ADAM22: variants seen among roughly 807,000 people sequenced by gnomAD.
The protein encoded by ADAM22 is ADAM metallopeptidase domain 22.
In ADAM22, 65 loss-of-function variants were observed where a neutral mutation model predicts 144.6. The observed-to-expected ratio is 0.45, with a 90% CI of 0.37 to 0.55. The LOEUF (loss-of-function observed/expected upper bound fraction) is 0.55. Among genes scored for constraint, ADAM22 ranks in the 20% least tolerant of loss-of-function variants. ADAM22 has a pLI of 0.00. For synonymous variants in ADAM22, 391 were observed against 412.6 expected (o/e 0.95, Z 0.63); for missense variants, 974 against 1,184.9 (o/e 0.82, Z 2.61).
chr7:88,023,443 G>A (rs1327115951), intron 3 of ADAM22, among the ~76,000 whole-genome samples: 1 of 152,090 alleles, frequency 6.6e-6, no homozygotes, highest in Non-Finnish European at 1.5e-5. Context: ...ATTTAGAGAT[G>A]GAGTCTTGCT....
intron 2 of ADAM22, among the ~76,000 whole-genome samples, chr7:87,975,065 A>G (rs1048210144): frequency 2.0e-5 from 3 of 152,286 alleles, no homozygotes; most frequent in East Asian, 1.9e-4. Context: ...GTGAGGTAAC[A>G]TGTTCGTAGG....
intron 26 of ADAM22, among the ~76,000 whole-genome samples, chr7:88,177,123 A>G (rs985297548): frequency 6.6e-6 from 1 of 152,254 alleles, no homozygotes; most frequent in Non-Finnish European, 1.5e-5. Context: ...AAAGATTATC[A>G]GTAAAGATAG....
intron 2 of ADAM22, among the ~76,000 whole-genome samples, chr7:87,950,268 C>T (rs1844710721): frequency 6.8e-6 from 1 of 146,664 alleles, no homozygotes; most frequent in Admixed American, 6.8e-5. Context: ...AGGTATATCT[C>T]CTAATGCTAT....
At chr7:88,063,002 C>T (rs1437655302) in intron 3 of ADAM22, among the ~76,000 whole-genome samples, 1 of 152,012 alleles carries the variant, frequency 6.6e-6, no homozygotes, top group African/African-American at 2.4e-5. Context: ...TTACAGATCA[C>T]CATAACAGGT....
intron 3 of ADAM22, among the ~76,000 whole-genome samples, chr7:88,062,450 G>A (rs1346077355): frequency 3.9e-5 from 6 of 152,182 alleles, no homozygotes; most frequent in Non-Finnish European, 5.9e-5. Context: ...CCTTCATATA[G>A]TTAAAGAGAG....
chr7:88,060,766 C>CA (rs72497035), intron 3 of ADAM22, among the ~76,000 whole-genome samples: 3,546 of 76,078 alleles, frequency 0.047, 130 homozygotes, highest in African/African-American at 0.12. Context: ...GACTCCATCT[C>CA]AAAAAAAAAA....
At chr7:87,952,193 TGA>T (rs1255741311) in intron 2 of ADAM22, among the ~76,000 whole-genome samples, 1 of 151,952 alleles carries the variant, frequency 6.6e-6, no homozygotes, top group Non-Finnish European at 1.5e-5. Flanking sequence ...ATAGGAGTGG[TGA>T]GAGAGGGCAT....
intron 2 of ADAM22, among the ~76,000 whole-genome samples, chr7:87,967,050 C>T (rs887975189): frequency 6.6e-6 from 1 of 151,846 alleles, no homozygotes; most frequent in Non-Finnish European, 1.5e-5. Context: ...GGGGCTTTTC[C>T]CTCACTTCAC....
chr7:88,123,853 C>T (rs887763734), intron 7 of ADAM22, among the ~76,000 whole-genome samples: 1 of 151,724 alleles, frequency 6.6e-6, no homozygotes, highest in Non-Finnish European at 1.5e-5. Flanking sequence ...CATGTGATTT[C>T]TTCTTTGTCC....
chr7:87,941,304 A>T (rs1053508566), intron 2 of ADAM22, among the ~76,000 whole-genome samples: 1 of 152,204 alleles, frequency 6.6e-6, no homozygotes, highest in Non-Finnish European at 1.5e-5. Flanking sequence ...CAAGATGGCA[A>T]GCAGTAGGTG....
intron 29 of ADAM22, chr7:88,184,526 G>A: frequency 4.9e-6 from 1 of 205,584 alleles, no homozygotes; most frequent in East Asian, 1.7e-4. Context: ...AGGTGCTCCT[G>A]GTCCAGCCAG....
chr7:88,185,232 A>G (rs1290838535), intron 29 of ADAM22, among the ~76,000 whole-genome samples: 2 of 152,212 alleles, frequency 1.3e-5, no homozygotes, highest in Non-Finnish European at 2.9e-5. Flanking sequence ...AGGAGATACT[A>G]TCTTACCAAA....
At chr7:88,017,137 ATAAAAAT>A (rs1169716733) in intron 3 of ADAM22, among the ~76,000 whole-genome samples, 1 of 152,180 alleles carries the variant, frequency 6.6e-6, no homozygotes, top group Non-Finnish European at 1.5e-5. Context: ...GTCTCTAAAA[ATAAAAAT>A]TAAAAATAAA....
intron 26 of ADAM22, among the ~76,000 whole-genome samples, chr7:88,176,118 G>GC (rs1845598358): frequency 6.6e-6 from 1 of 152,070 alleles, no homozygotes; most frequent in South Asian, 2.1e-4. Context: ...CATTACAAGT[G>GC]CGTGCCACCA....
rs1193596591 is a variant in ADAM22, at chr7:87,964,811, T to C, written c.247-13525T>C. ...GCAAGGAGTTACTCTTCAAAGCAGC[T>C]TGGAGACACCAGCTGGTAGTATGTG... is the stretch of plus-strand genomic sequence containing the variant. On this transcript the variant is annotated intron_variant, in intron 2 of 31. Coordinates refer to ENST00000413139, the MANE Select transcript of ADAM22 (RefSeq NM_001324418.2). 1.1e-5 allele frequency: 3 copies of C among 264,828 alleles called. No homozygotes were observed. In the East Asian group the frequency reaches 3.2e-4, roughly 29 times the overall value. 16.4% of individuals were successfully genotyped at this position (264,828 alleles called of 1,614,324 possible).
intron 2 of ADAM22, among the ~76,000 whole-genome samples, chr7:87,967,539 G>A (rs1053735599): frequency 6.6e-6 from 1 of 151,998 alleles, no homozygotes; most frequent in Non-Finnish European, 1.5e-5. Flanking sequence ...GGCTGGGCAT[G>A]GTGGCTCATG....
Position 88,108,487 on chromosome 7 carries a change from G to A in ADAM22, c.473+229G>A, listed in dbSNP as rs191861793. 7.2e-5 allele frequency among the ~76,000 whole-genome samples: 11 copies of A among 151,942 alleles called. No individual in the cohort carries two copies. In the East Asian group the frequency reaches 1.7e-3, roughly 24 times the overall value. On this transcript the variant is annotated intron_variant, in intron 5 of 31. Transcript: ENST00000413139. ...TCATGCCTATAATCCCAGCACTTTGGGGGGGTCTAGGCAGGCAGATCACCT... is the reference window on the plus strand; with the variant it reads ...TCATGCCTATAATCCCAGCACTTTGAGGGGGTCTAGGCAGGCAGATCACCT...
chr7:88,147,277 C>A (rs952915377), intron 17 of ADAM22, among the ~76,000 whole-genome samples: 12 of 152,282 alleles, frequency 7.9e-5, no homozygotes, highest in African/African-American at 2.9e-4. Flanking sequence ...CTAGGGCAGC[C>A]AGAGGCAGGA....
intron 3 of ADAM22, among the ~76,000 whole-genome samples, chr7:88,002,747 A>AGG (rs1429792164): frequency 6.6e-6 from 1 of 152,188 alleles, no homozygotes; most frequent in Non-Finnish European, 1.5e-5. Context: ...TGCACCTTGG[A>AGG]GGAGAGTCAT....
Sources: gnomAD v4.1 joint callset for allele counts (sites outside exome capture counted in the v4.1 genomes callset) on GRCh38, gnomAD v4.1.1 for gene constraint, MANE v1.5 for transcripts, NCBI Gene and HGNC (gene_info 2026-07-23, HGNC 2026-07-21) for gene names.